SMYD3: variants seen among roughly 807,000 people sequenced by gnomAD.
The protein encoded by SMYD3 is histone-lysine N-methyltransferase SMYD3.
In SMYD3, 36 loss-of-function variants were observed where a neutral mutation model predicts 57.7. The observed-to-expected ratio is 0.62, with a 90% CI of 0.48 to 0.82. The LOEUF (loss-of-function observed/expected upper bound fraction) is 0.82, where lower values mean the gene tolerates loss of function less well. SMYD3 is among the 40% of genes least tolerant of loss of function. The pLI is 0.00. For missense variants in SMYD3, 515 were observed against 538.8 expected (o/e 0.96, Z 0.44); for synonymous variants, 211 against 195.0 (o/e 1.08, Z -0.68).
At chr1:245,908,737 G>A (rs1363189005) in intron 8 of SMYD3, among the ~76,000 whole-genome samples, 1 of 152,040 alleles carries the variant, frequency 6.6e-6, no homozygotes, top group Admixed American at 6.5e-5. Flanking sequence ...AAGCAATTGA[G>A]AAAAAGATCA....
rs1350827874 is a variant in SMYD3, at chr1:245,939,962, G to A, written c.532-10025C>T. ...AATCACTGTGGCTCCAGTCGGTGCC[G>A]GGGAGACTGGGTGGTTTGGACTGGG... On this transcript the variant is annotated intron_variant, in intron 5 of 11. Transcript: ENST00000490107. Among the ~76,000 whole-genome samples the A allele has an allele frequency of 5.9e-5, 9 of 152,314 alleles. No individual in the cohort carries two copies. In the South Asian group the frequency reaches 1.2e-3, roughly 21 times the overall value.
intron 1 of SMYD3, among the ~76,000 whole-genome samples, chr1:246,370,725 A>C (rs148125174): frequency 3.2e-4 from 48 of 152,324 alleles, no homozygotes; most frequent in Non-Finnish European, 5.4e-4. Context: ...TATCACTTCC[A>C]TGGTTACTAA....
intron 2 of SMYD3, among the ~76,000 whole-genome samples, chr1:246,335,875 G>A (rs933779521): frequency 6.6e-6 from 1 of 152,178 alleles, no homozygotes; most frequent in Non-Finnish European, 1.5e-5. Context: ...ACGTGGTTCA[G>A]AAGACTCAAA....
At chr1:246,332,545 C>A (rs959012286) in intron 3 of SMYD3, among the ~76,000 whole-genome samples, 10 of 152,244 alleles carry the variant, frequency 6.6e-5, no homozygotes, top group African/African-American at 2.2e-4. Context: ...GTGGCTTACG[C>A]CCACAATCTC....
chr1:245,884,241 A>G (rs9283423), intron 8 of SMYD3, among the ~76,000 whole-genome samples: 151,942 of 152,322 alleles, frequency 1, 75,784 homozygotes, highest in Middle Eastern at 1. Context: ...CTCCCTGACC[A>G]TGATGCAGCA....
At chr1:245,952,455 G>A (rs572875199) in intron 5 of SMYD3, among the ~76,000 whole-genome samples, 44 of 152,238 alleles carry the variant, frequency 2.9e-4, no homozygotes, top group African/African-American at 9.9e-4. Context: ...AAAAAATGAC[G>A]TTTTTATGGC....
intron 1 of SMYD3, among the ~76,000 whole-genome samples, chr1:246,410,598 T>C (rs1284883269): frequency 6.6e-6 from 1 of 152,242 alleles, no homozygotes; most frequent in Non-Finnish European, 1.5e-5. Context: ...GATTTTTGCA[T>C]CGATGTTCAT....
At chr1:246,261,618 GAC>G (rs1260383251) in intron 5 of SMYD3, among the ~76,000 whole-genome samples, 1 of 151,408 alleles carries the variant, frequency 6.6e-6, no homozygotes, top group Non-Finnish European at 1.5e-5. Context: ...GAAAGCTCAA[GAC>G]ACATTACTAA....
chr1:245,861,441 T>G (rs12123048), intron 9 of SMYD3, among the ~76,000 whole-genome samples: 84,546 of 152,046 alleles, frequency 0.56, 26,689 homozygotes, highest in Non-Finnish European at 0.73. Context: ...TTACTCAACT[T>G]ACTGAGATTC....
At chr1:245,932,768 C>T (rs922722883) in intron 5 of SMYD3, among the ~76,000 whole-genome samples, 1 of 152,248 alleles carries the variant, frequency 6.6e-6, no homozygotes, top group African/African-American at 2.4e-5. Context: ...TGCTATATTG[C>T]CCTGGCTGAC....
intron 5 of SMYD3, among the ~76,000 whole-genome samples, chr1:246,239,137 G>A (rs1468021715): frequency 6.6e-6 from 1 of 152,138 alleles, no homozygotes; most frequent in East Asian, 1.9e-4. Flanking sequence ...TAAGGTACAT[G>A]TGCACAACGT....
rs545272136 is a variant in SMYD3, at chr1:246,328,537, G to A, written c.395-1200C>T. On this transcript the variant is annotated intron_variant, in intron 4 of 11. Transcript: ENST00000490107. ...AAAACTTGAAAAGATACATCAAGTT[G>A]AACTACAGCATAACTCTGTTGCTTA... 9.0e-4 allele frequency among the ~76,000 whole-genome samples: 137 copies of A among 152,140 alleles called. 1 individual carries two copies. Among genetic ancestry groups the A allele is most frequent in the African/African-American group, 3.3e-3 (136 of 41,516 alleles).
chr1:246,452,934 T>C (rs1481363352), intron 1 of SMYD3, among the ~76,000 whole-genome samples: 1 of 152,152 alleles, frequency 6.6e-6, no homozygotes, highest in Admixed American at 6.5e-5. Context: ...AAGCCCACCA[T>C]TGGGCTTCTA....
chr1:246,491,750 G>C (rs537234946), intron 1 of SMYD3, among the ~76,000 whole-genome samples: 1 of 152,276 alleles, frequency 6.6e-6, no homozygotes, highest in South Asian at 2.1e-4. Context: ...GGAACTGACC[G>C]ATACTATCAG....
intron 11 of SMYD3, 42 bp downstream of exon 11, chr1:245,763,999 A>C (rs2045966214): frequency 4.0e-6 from 6 of 1,490,760 alleles, no homozygotes; most frequent in Admixed American, 1.7e-5. Context: ...AGCAGAAAAA[A>C]AGGATGCCAG....
chr1:246,008,251 G>A lies in SMYD3; in HGVS notation c.532-78314C>T, dbSNP rs746326180. Among the ~76,000 whole-genome samples the A allele has an allele frequency of 8.2e-4, 125 of 152,334 alleles. 3 individuals are homozygous for A. The highest frequency in any genetic ancestry group is 3.4e-3 in the Middle Eastern group (1 of 294). On this transcript the variant is annotated intron_variant, in intron 5 of 11. Coordinates refer to ENST00000490107, the MANE Select transcript of SMYD3 (RefSeq NM_001167740.2). Reference sequence around the variant, plus strand: ...CAACCTGTGCATTGTATTCTGAAAGGCCTCGGAGAAACTGTGTCCTTATCC... The same window carrying A: ...CAACCTGTGCATTGTATTCTGAAAGACCTCGGAGAAACTGTGTCCTTATCC...
chr1:246,391,810 T>C (rs1205041730), intron 1 of SMYD3, among the ~76,000 whole-genome samples: 1 of 152,118 alleles, frequency 6.6e-6, no homozygotes, highest in Non-Finnish European at 1.5e-5. Flanking sequence ...GGTACTCCCG[T>C]CTCCAGCTGT....
intron 1 of SMYD3, among the ~76,000 whole-genome samples, chr1:246,461,229 C>A (rs1298170583): frequency 6.6e-6 from 1 of 152,040 alleles, no homozygotes; most frequent in South Asian, 2.1e-4. Context: ...TAAAGGCTGT[C>A]CATCTTTATC....
intron 10 of SMYD3, among the ~76,000 whole-genome samples, chr1:245,854,593 TTCTC>T (rs67359983): frequency 2.0e-5 from 3 of 150,872 alleles, no homozygotes; most frequent in Non-Finnish European, 3.0e-5. Context: ...AGTTATCCTT[TTCTC>T]TCTCTCTCTC....
Sources: gnomAD v4.1 joint callset for allele counts (sites outside exome capture counted in the v4.1 genomes callset) on GRCh38, gnomAD v4.1.1 for gene constraint, MANE v1.5 for transcripts, NCBI Gene and HGNC (gene_info 2026-07-23, HGNC 2026-07-21) for gene names.